PDXDC1: variants seen among roughly 807,000 people sequenced by gnomAD.
The protein encoded by PDXDC1 is pyridoxal-dependent decarboxylase domain-containing protein 1.
Under a neutral mutation model 100.1 loss-of-function variants are expected in PDXDC1, and 42 were observed. That is an observed-to-expected ratio of 0.42 (90% CI 0.33 to 0.54). PDXDC1 has a LOEUF of 0.54. Ranked by LOEUF, PDXDC1 falls within the 20% of genes least tolerant of loss-of-function variation. The pLI is 0.10. For synonymous variants in PDXDC1, 260 were observed against 371.7 expected, an observed-to-expected ratio of 0.70 and a Z score of 3.46; for missense variants, 636 against 979.2, an observed-to-expected ratio of 0.65 and a Z score of 4.68.
intron 8 of PDXDC1, among the ~76,000 whole-genome samples, chr16:15,010,008 C>T (rs1161842760): frequency 1.2e-4 from 19 of 152,250 alleles, no homozygotes; most frequent in Middle Eastern, 3.4e-3. Context: ...GCTTCTCTAT[C>T]TTCTCCTTCA....
chr16:15,004,577 CAT>C lies in PDXDC1; in HGVS notation c.389+247_389+248del, dbSNP rs575681542. Among the ~76,000 whole-genome samples, 145 of 152,398 alleles carry C rather than the reference CAT, an allele frequency of 9.5e-4. 2 individuals carry two copies. Among genetic ancestry groups the C allele is most frequent in the African/African-American group, 3.4e-3 (140 of 41,590 alleles). The stretch of plus-strand genomic sequence containing the variant: ...ATGTGAAGGGTGGAGAATAGAAGCA[CAT>C]ATGTGTTTGATAGGGTCAGCAGTTA... On this transcript the variant is annotated intron_variant, in intron 5 of 22. Transcript: ENST00000396410.
intron 1 of PDXDC1, among the ~76,000 whole-genome samples, chr16:14,996,051 G>T (rs1382949393): frequency 1.3e-5 from 2 of 152,276 alleles, no homozygotes; most frequent in African/African-American, 4.8e-5. Flanking sequence ...TCAAAACCCT[G>T]TTATACAAAA....
At chr16:15,085,952 C>A (rs2045901386) in intron 16 of PDXDC1, among the ~76,000 whole-genome samples, 1 of 152,130 alleles carries the variant, frequency 6.6e-6, no homozygotes, top group Non-Finnish European at 1.5e-5. Context: ...AAACTCACAG[C>A]AACAAATGAA....
At chr16:15,148,519 A>G in the PDXDC1 span, among the ~76,000 whole-genome samples, 9 of 150,624 alleles carry the variant, frequency 6.0e-5, no homozygotes, top group African/African-American at 2.2e-4. Context: ...AATAGCTGGG[A>G]CCACAGATGC....
intron 6 of PDXDC1, among the ~76,000 whole-genome samples, chr16:15,007,613 G>A (rs2040894955): frequency 1.3e-5 from 2 of 152,292 alleles, no homozygotes; most frequent in South Asian, 4.1e-4. Context: ...TTTGTAAGCT[G>A]TAGGAGTCCC....
chr16:15,134,170 C>T (rs1232032017), intron 16 of PDXDC1: 1 of 1,319,346 alleles, frequency 7.6e-7, no homozygotes, highest in Non-Finnish European at 1.1e-6. Flanking sequence ...GGGACCCATC[C>T]CCAGCCCGCC....
intron 16 of PDXDC1, among the ~76,000 whole-genome samples, chr16:15,102,974 G>A (rs1320275646): frequency 3.5e-5 from 5 of 144,840 alleles, no homozygotes; most frequent in South Asian, 2.2e-4. Flanking sequence ...CGGGCATGCT[G>A]GCGTGTGCCT....
intron 11 of PDXDC1, 56 bp from the exon 12 acceptor site, chr16:15,018,784 G>C (rs944610621): frequency 6.6e-7 from 1 of 1,516,798 alleles, no homozygotes; most frequent in African/African-American, 1.4e-5. Context: ...TAGCTGGTTA[G>C]TTCTATTATG....
At chr16:15,053,134 G>A (rs1162554067) in intron 16 of PDXDC1, among the ~76,000 whole-genome samples, 1 of 152,200 alleles carries the variant, frequency 6.6e-6, no homozygotes, top group African/African-American at 2.4e-5. Context: ...TGATTTTTAA[G>A]TTAAATCCTA....
At chr16:15,099,419 C>CAA (rs768689960) in intron 16 of PDXDC1, among the ~76,000 whole-genome samples, 254 of 39,470 alleles carry the variant, frequency 6.4e-3, no homozygotes, top group Non-Finnish European at 7.8e-3. Flanking sequence ...GACTTGGTCT[C>CAA]AAAAAAAAAA....
chr16:14,997,618 C>T, intron 1 of PDXDC1, 135 bp from the exon 2 acceptor site: 5 of 1,003,580 alleles, frequency 5.0e-6, no homozygotes, highest in South Asian at 1.8e-5. Flanking sequence ...TACTTTTGTA[C>T]TATTGCAAGT....
At chr16:15,021,278 G>A (rs1469869758) in intron 12 of PDXDC1, among the ~76,000 whole-genome samples, 1 of 152,248 alleles carries the variant, frequency 6.6e-6, no homozygotes, top group African/African-American at 2.4e-5. Flanking sequence ...TCAGGAGGCT[G>A]AGGTGGGAAG....
intron 16 of PDXDC1, among the ~76,000 whole-genome samples, chr16:15,099,776 CA>C (rs2151845003): frequency 6.6e-6 from 1 of 152,298 alleles, no homozygotes; most frequent in East Asian, 1.9e-4. Context: ...ACAATGTAAT[CA>C]GCTTCTTCAT....
chr16:15,041,277 TC>T (rs1228834306), downstream of PDXDC1, among the ~76,000 whole-genome samples: 1 of 152,124 alleles, frequency 6.6e-6, no homozygotes, highest in East Asian at 1.9e-4. Context: ...CCCTACCCTG[TC>T]CCAAGGCAGG....
intron 16 of PDXDC1, among the ~76,000 whole-genome samples, chr16:15,100,916 G>T (rs2046521729): frequency 1.3e-5 from 2 of 152,154 alleles, no homozygotes; most frequent in African/African-American, 4.8e-5. Context: ...AGCCCAGGAG[G>T]TCGAGACTGC....
At chr16:15,030,905 C>T (rs891934469) in intron 16 of PDXDC1, among the ~76,000 whole-genome samples, 59 of 151,936 alleles carry the variant, frequency 3.9e-4, no homozygotes, top group Admixed American at 3.6e-3. Flanking sequence ...AACCAGTGGC[C>T]GCCCACCCCC....
chr16:15,092,486 C>A, intron 16 of PDXDC1: 5 of 1,519,142 alleles, frequency 3.3e-6, no homozygotes, highest in Non-Finnish European at 4.6e-6. Flanking sequence ...CAAAAGCAAA[C>A]CTCACACATT....
the PDXDC1 span, among the ~76,000 whole-genome samples, chr16:15,147,625 C>T: frequency 6.6e-6 from 1 of 152,174 alleles, no homozygotes; most frequent in Non-Finnish European, 1.5e-5. Context: ...CTCCCAGGTT[C>T]AAGCGATTCT....
intron 16 of PDXDC1, chr16:15,127,908 G>C: frequency 2.1e-6 from 3 of 1,444,758 alleles, no homozygotes; most frequent in South Asian, 1.2e-5. Flanking sequence ...CTAGAAGGCA[G>C]GGAGGGCCGC....
Sources: allele counts gnomAD v4.1 joint callset (sites outside exome capture counted in the v4.1 genomes callset), GRCh38; gene constraint gnomAD v4.1.1; transcripts MANE v1.5; gene names NCBI Gene and HGNC (gene_info 2026-07-23, HGNC 2026-07-21).